Variants in SGCZ observed in about 807,000 individuals in gnomAD.
SGCZ encodes sarcoglycan zeta.
Under a neutral mutation model 41.3 loss-of-function variants are expected in SGCZ, and 40 were observed. That is an observed-to-expected ratio of 0.97 (90% CI 0.75 to 1.26). The LOEUF is 1.26. Ranked by LOEUF, SGCZ falls within the 50% of genes most tolerant of loss-of-function variation. The probability of loss-of-function intolerance (pLI) is 0.00; values close to 1 mark genes in which losing one functional copy is unlikely to be tolerated. For missense variants in SGCZ, 552 were observed against 369.8 expected (o/e 1.49, Z -4.04); for synonymous variants, 206 against 137.5 (o/e 1.50, Z -3.49).
rs750745015 is a variant in SGCZ, at chr8:14,324,212, C to A, written c.235-8G>T. On this transcript the variant is annotated splice_polypyrimidine_tract_variant and splice_region_variant and intron_variant, in intron 2 of 7. Coordinates refer to ENST00000382080, the MANE Select transcript of SGCZ (RefSeq NM_139167.4). ...CAGATTTCCCATACCATCCTACAAG[C>A]AATGAAATATAGTTCACTTTTAGGT... 1.9e-6 allele frequency: 3 copies of A among 1,594,918 alleles called. No homozygotes were observed. The highest frequency in any genetic ancestry group is 2.6e-6 in the Non-Finnish European group (3 of 1,163,570).
intron 1 of SGCZ, among the ~76,000 whole-genome samples, chr8:14,623,548 G>A (rs938304244): frequency 6.6e-6 from 1 of 152,136 alleles, no homozygotes; most frequent in African/African-American, 2.4e-5. Context: ...TGTAGGCAGA[G>A]ACTTCAAATT....
chr8:15,165,983 AT>A (rs1479179657), intron 1 of SGCZ, among the ~76,000 whole-genome samples: 7 of 152,336 alleles, frequency 4.6e-5, no homozygotes, highest in Middle Eastern at 3.4e-3. Context: ...CTTCTTCAAC[AT>A]TTCTGAGTTA....
chr8:14,496,712 C>A (rs984271092), intron 2 of SGCZ, among the ~76,000 whole-genome samples: 1 of 151,884 alleles, frequency 6.6e-6, no homozygotes, highest in Admixed American at 6.6e-5. Context: ...TTATTTAATT[C>A]TTTTATTCCT....
In SGCZ at chr8:14,538,471, A is replaced by G. The variant is rs530562739; in HGVS notation, c.234+16261T>C. Among the ~76,000 whole-genome samples the G allele has an allele frequency of 5.9e-5, 9 of 152,100 alleles. No homozygotes were observed. In the South Asian group the frequency reaches 1.4e-3, roughly 25 times the overall value. Reference sequence around the variant, plus strand: ...GGTGAACCAAGAGAAACTTAACCCAACCTGTGGAAGTGAGGACTGTGGCCC... The same window carrying G: ...GGTGAACCAAGAGAAACTTAACCCAGCCTGTGGAAGTGAGGACTGTGGCCC... On this transcript the variant is annotated intron_variant, in intron 2 of 7. Transcript: ENST00000382080.
chr8:14,281,466 C>T lies in SGCZ; in HGVS notation c.336+42637G>A, dbSNP rs554651517. On this transcript the variant is annotated intron_variant, in intron 3 of 7. Transcript: ENST00000382080. ...GTAGTGATTCTTAATTTTTTTATAT[C>T]ATAGAACTTTGAGAATCAGATGAAA... Among the ~76,000 whole-genome samples, 9 of 151,720 alleles carry T rather than the reference C, an allele frequency of 5.9e-5. No homozygotes were observed. The East Asian group carries it at 1.7e-3, about 29-fold the overall frequency.
chr8:14,786,738 A>G (rs184017107), intron 1 of SGCZ, among the ~76,000 whole-genome samples: 2 of 152,186 alleles, frequency 1.3e-5, no homozygotes, highest in African/African-American at 4.8e-5. Context: ...GAATCATGAA[A>G]TTACAATGAA....
At chr8:14,998,101 C>A (rs536874593) in intron 1 of SGCZ, among the ~76,000 whole-genome samples, 1 of 152,168 alleles carries the variant, frequency 6.6e-6, no homozygotes, top group South Asian at 2.1e-4. Context: ...TAAAGTACTG[C>A]GTCTTTTTCA....
chr8:15,122,142 A>T (rs1467928464), intron 1 of SGCZ, among the ~76,000 whole-genome samples: 1 of 149,182 alleles, frequency 6.7e-6, no homozygotes, highest in South Asian at 2.2e-4. Flanking sequence ...CTCCAACTCT[A>T]TCATATCATG....
chr8:14,581,169 G>A (rs929562593), intron 1 of SGCZ, among the ~76,000 whole-genome samples: 1 of 152,066 alleles, frequency 6.6e-6, no homozygotes, highest in Non-Finnish European at 1.5e-5. Context: ...GTGCAGTGGT[G>A]CGATCTCGGC....
At chr8:15,097,894 A>AG (rs1806439995) in intron 1 of SGCZ, among the ~76,000 whole-genome samples, 1 of 123,850 alleles carries the variant, frequency 8.1e-6, no homozygotes, top group African/African-American at 3.3e-5. Context: ...GTGTGTATAT[A>AG]TATATATATA....
intron 1 of SGCZ, among the ~76,000 whole-genome samples, chr8:15,091,944 G>A (rs1806168139): frequency 6.6e-6 from 1 of 151,924 alleles, no homozygotes; most frequent in Admixed American, 6.6e-5. Context: ...TGTAGAGACG[G>A]GGTTTCACTG....
chr8:15,083,348 C>T (rs193255877), intron 1 of SGCZ, among the ~76,000 whole-genome samples: 125 of 152,110 alleles, frequency 8.2e-4, no homozygotes, highest in African/African-American at 1.8e-3. Context: ...ACGGTATCAC[C>T]GATTTCAACA....
At chr8:14,462,871 A>ATT (rs34744100) in intron 2 of SGCZ, among the ~76,000 whole-genome samples, 4,032 of 150,670 alleles carry the variant, frequency 0.027, 128 homozygotes, top group African/African-American at 0.073. Context: ...TCTTTTAAGA[A>ATT]TTTTTTTTTG....
chr8:14,109,972 C>G (rs550670522), intron 5 of SGCZ, among the ~76,000 whole-genome samples: 2 of 152,074 alleles, frequency 1.3e-5, no homozygotes, highest in African/African-American at 4.8e-5. Context: ...CTCTGTCGCT[C>G]CTGAGACTCT....
At chr8:14,280,220 G>T (rs931512908) in intron 3 of SGCZ, among the ~76,000 whole-genome samples, 1 of 151,744 alleles carries the variant, frequency 6.6e-6, no homozygotes, top group Non-Finnish European at 1.5e-5. Flanking sequence ...TTTTGAATCC[G>T]TATATATATA....
intron 4 of SGCZ, among the ~76,000 whole-genome samples, chr8:14,170,621 AG>A (rs1804349689): frequency 6.6e-6 from 1 of 152,178 alleles, no homozygotes; most frequent in Admixed American, 6.6e-5. Context: ...GTTTTATTTA[AG>A]GGTCCCAATG....
At chr8:14,579,809 T>G (rs1175849252) in intron 1 of SGCZ, among the ~76,000 whole-genome samples, 1 of 152,218 alleles carries the variant, frequency 6.6e-6, no homozygotes. Flanking sequence ...AATTTTCTCT[T>G]GATTCCCTTT....
chr8:14,755,901 A>G (rs1799651184), intron 1 of SGCZ, among the ~76,000 whole-genome samples: 1 of 152,194 alleles, frequency 6.6e-6, no homozygotes, highest in Non-Finnish European at 1.5e-5. Context: ...AAAACTATAC[A>G]TTGAATGAAA....
At chr8:14,571,779 G>C (rs1357093381) in intron 1 of SGCZ, among the ~76,000 whole-genome samples, 2 of 152,100 alleles carry the variant, frequency 1.3e-5, no homozygotes, top group African/African-American at 4.8e-5. Flanking sequence ...GAAACAGCAC[G>C]AATATTGAAG....
Sources: allele counts gnomAD v4.1 joint callset (sites outside exome capture counted in the v4.1 genomes callset), GRCh38; gene constraint gnomAD v4.1.1; transcripts MANE v1.5; gene names NCBI Gene and HGNC (gene_info 2026-07-23, HGNC 2026-07-21).